RNF20: variants seen among roughly 807,000 people sequenced by gnomAD.
RNF20 encodes the protein ring finger protein 20, also known as E3 ubiquitin-protein ligase BRE1A.
A neutral mutation model predicts 126.2 loss-of-function variants in RNF20; 84 were observed. The ratio of observed to expected loss-of-function variants is 0.67; its 90% CI spans 0.56 to 0.80. The LOEUF (loss-of-function observed/expected upper bound fraction) is 0.80, where lower values mean the gene tolerates loss of function less well. RNF20 is among the 30% of genes least tolerant of loss of function. RNF20 has a pLI of 0.00. For missense variants in RNF20, 869 were observed against 1,188.2 expected, an observed-to-expected ratio of 0.73 and a Z score of 3.95; for synonymous variants, 400 against 414.3, an observed-to-expected ratio of 0.97 and a Z score of 0.42.
intron 6 of RNF20, among the ~76,000 whole-genome samples, 198 bp from the exon 7 acceptor site, chr9:101,546,622 C>T (rs1827351010): frequency 6.6e-6 from 1 of 152,048 alleles, no homozygotes; most frequent in South Asian, 2.1e-4. Context: ...AGACTTTAGA[C>T]TTAAAGTTTG....
Position 101,535,616 on chromosome 9 carries a change from A to T in RNF20, c.129+64A>T. The T allele has an allele frequency of 1.9e-6, 3 of 1,557,152 alleles. No homozygotes were observed. In the African/African-American group the frequency reaches 4.1e-5, roughly 21 times the overall value. On this transcript the variant is annotated intron_variant, in intron 2 of 19. Coordinates refer to ENST00000389120, the MANE Select transcript of RNF20 (RefSeq NM_019592.7). ...TGTCAGTTGCAACTTGAAACTAAAA[A>T]TTCATGGAAGCTTTCTGGAGTATGG... is the stretch of plus-strand genomic sequence containing the variant.
At chr9:101,553,949 T>C in intron 13 of RNF20, 39 bp from the exon 14 acceptor site, 3 of 1,152,846 alleles carry the variant, frequency 2.6e-6, no homozygotes, top group Non-Finnish European at 2.6e-6. Context: ...TTTATTTTCT[T>C]ATTACATTGT....
At chr9:101,551,099 C>A (rs1407136945) in intron 10 of RNF20, among the ~76,000 whole-genome samples, 1 of 151,968 alleles carries the variant, frequency 6.6e-6, no homozygotes, top group African/African-American at 2.4e-5. Flanking sequence ...CCTGATTCCA[C>A]TTAAAAAAGT....
rs1213781267 is a variant in RNF20 at position 101,550,772 on chromosome 9, T to C, written c.1259T>C (p.Val420Ala). Residue 420 changes from valine (V) to alanine (A), a missense_variant, in exon 10 of 20, where the codon GTT becomes GCT. Transcript: ENST00000389120. ...ACCAGAGGAACCCACCAGCACCAGG[T>C]TGAGCTTATTGAGGTAATAGCCTTG... ...HGTRGTHQHQ[V>A]ELIERDEVSL... 6.8e-6 allele frequency: 11 copies of C among 1,614,002 alleles called. No homozygotes were observed. Among genetic ancestry groups the C allele is most frequent in the African/African-American group, 1.3e-5 (1 of 74,926 alleles).
intron 12 of RNF20, 31 bp from the exon 13 acceptor site, chr9:101,552,352 A>T: frequency 6.2e-7 from 1 of 1,608,442 alleles, no homozygotes; most frequent in South Asian, 1.1e-5. Flanking sequence ...ATCATAAGAG[A>T]TGTGCATCTT....
chr9:101,552,061 C>T (rs1235216878), intron 11 of RNF20, 80 bp from the exon 12 acceptor site: 1 of 1,564,028 alleles, frequency 6.4e-7, no homozygotes, highest in African/African-American at 1.4e-5. Context: ...TCAGTGCCTC[C>T]TGATGTGTTC....
intron 9 of RNF20, among the ~76,000 whole-genome samples, chr9:101,549,435 G>C (rs1827406270): frequency 6.6e-6 from 1 of 152,170 alleles, no homozygotes. Flanking sequence ...GGCAGAGTCA[G>C]GTGTACAGGA....
Position 101,544,805 on chromosome 9 carries a change from T to C in RNF20, c.667T>C (p.Ser223Pro), listed in dbSNP as rs758138591. ...IVEEAVQELN[S>P]FLAQENMRLQ... is the part of the protein sequence containing the mutation. Reference sequence around the variant, plus strand: ...GGAGGAAGCAGTGCAGGAGCTGAACTCTTTCCTCGCACAGGAGAATATGAG... The same window carrying C: ...GGAGGAAGCAGTGCAGGAGCTGAACCCTTTCCTCGCACAGGAGAATATGAG... Residue 223 changes from serine to proline, a missense_variant, in exon 6 of 20, where the codon TCT (serine) becomes CCT (proline). This residue lies in a region of RNF20 where 103 missense variants were observed against 94.3 expected (regional missense o/e 1.09). Coordinates refer to ENST00000389120, the MANE Select transcript of RNF20 (RefSeq NM_019592.7). 1 of 1,613,290 alleles carries C rather than the reference T, an allele frequency of 6.2e-7. No individual in the cohort carries two copies. Among genetic ancestry groups the C allele is most frequent in the Non-Finnish European group, 8.5e-7 (1 of 1,179,320 alleles).
intron 9 of RNF20, among the ~76,000 whole-genome samples, chr9:101,549,516 T>C (rs1827407832): frequency 6.6e-6 from 1 of 152,140 alleles, no homozygotes; most frequent in Admixed American, 6.5e-5. Context: ...CGGACGAGCC[T>C]GACTAATGTC....
At chr9:101,535,575 A>C (rs1827170215) in intron 2 of RNF20, 23 bp downstream of exon 2, 1 of 1,600,324 alleles carries the variant, frequency 6.2e-7, no homozygotes, top group East Asian at 2.2e-5. Flanking sequence ...AGTGCCATGA[A>C]AGTGTGCTTG....
chr9:101,540,991 G>C lies in RNF20; in HGVS notation c.628+16G>C, dbSNP rs200632178. ...AACAGTGGAGGTGAGGCAAGACCCT[G>C]GAGGCCGGGAGTAGTGGAGGAGGAA... is the stretch of plus-strand genomic sequence containing the variant. On this transcript the variant is annotated intron_variant, in intron 5 of 19. Transcript: ENST00000389120. 7.9e-4 allele frequency: 1,276 copies of C among 1,605,606 alleles called. 3 individuals carry two copies. The highest frequency in any genetic ancestry group is 1.0e-3 in the Non-Finnish European group (1,180 of 1,173,588).
At chr9:101,558,211 G>A (rs115505293) in intron 16 of RNF20, among the ~76,000 whole-genome samples, 1,901 of 152,012 alleles carry the variant, frequency 0.013, 30 homozygotes, top group African/African-American at 0.044. Context: ...AAAGTTTATT[G>A]TATCATTCTT....
chr9:101,547,521 AG>A lies in RNF20; in HGVS notation c.1092+5del. On this transcript the variant is annotated splice_donor_region_variant and intron_variant, in intron 9 of 19. Transcript: ENST00000389120. The stretch of plus-strand genomic sequence containing the variant: ...CTACACAAAATGAAAAGCTGAAGGT[AG>A]GAACGCATCCCTGAAGGGCAGTAAA... 1 of 1,613,916 alleles carries A rather than the reference AG, an allele frequency of 6.2e-7. No homozygotes were observed.
chr9:101,550,537 T>A, intron 9 of RNF20, 69 bp from the exon 10 acceptor site: 4 of 1,393,318 alleles, frequency 2.9e-6, no homozygotes, highest in Non-Finnish European at 4.0e-6. Context: ...AGTTCAAAAT[T>A]TTACTTCCTG....
intron 4 of RNF20, 38 bp downstream of exon 4, chr9:101,540,675 C>A (rs1172572129): frequency 6.2e-7 from 1 of 1,609,004 alleles, no homozygotes; most frequent in African/African-American, 1.3e-5. Context: ...TGCATGCTAT[C>A]TGGGTTTTTA....
At chr9:101,559,904 G>A (rs1413564928) in intron 16 of RNF20, among the ~76,000 whole-genome samples, 1 of 152,082 alleles carries the variant, frequency 6.6e-6, no homozygotes, top group Non-Finnish European at 1.5e-5. Flanking sequence ...TCTTTCTCTT[G>A]TCTGATTGCT....
chr9:101,552,439 G>A lies in RNF20; in HGVS notation c.1587G>A (p.Pro529=), dbSNP rs779028554. The change falls in exon 13 of 20, where the codon CCG becomes CCA. Residue 529 remains proline, a synonymous_variant. Transcript: ENST00000389120. ...AGTCCCAGTCTAGTACTGAGGACCC[G>A]AAGGATGAGCCTGCGGAGCTAAAAC... ...LLQSQSSTED[P]KDEPAELKPD... is the part of the protein sequence containing the mutation. 3.0e-5 allele frequency: 49 copies of A among 1,611,698 alleles called. No individual in the cohort carries two copies. Among genetic ancestry groups the A allele is most frequent in the African/African-American group, 4.0e-5 (3 of 74,878 alleles).
chr9:101,555,218 G>T (rs1186741352), intron 15 of RNF20, among the ~76,000 whole-genome samples: 1 of 151,594 alleles, frequency 6.6e-6, no homozygotes, highest in Non-Finnish European at 1.5e-5. Context: ...ACAAATATAT[G>T]AAACTAAGAA....
Position 101,557,573 on chromosome 9 carries a change from C to G in RNF20, c.2359C>G (p.Gln787Glu). 1 of 1,613,590 alleles carries G rather than the reference C, an allele frequency of 6.2e-7. No homozygotes were observed. Among genetic ancestry groups the G allele is most frequent in the East Asian group, 2.2e-5 (1 of 44,864 alleles). ...LKEEKEELADQVLTLKTQVDA... is the reference protein window; with the variant it reads ...LKEEKEELADEVLTLKTQVDA... The stretch of plus-strand genomic sequence containing the variant: ...AGAAGAGAAGGAGGAGCTGGCAGAC[C>G]AGGTGTTGACTCTGAAGACTCAGGT... The change falls in exon 16 of 20, where the codon CAG becomes GAG. Residue 787 changes from glutamine (Q) to glutamate (E), a missense_variant. Around this residue, in one of 8 missense-constraint regions of RNF20, gnomAD observed 150 missense variants for 173.7 expected, o/e 0.86. Transcript: ENST00000389120.
Sources: allele counts gnomAD v4.1 joint callset (sites outside exome capture counted in the v4.1 genomes callset), GRCh38; gene constraint gnomAD v4.1.1; regional missense constraint gnomAD v4.1.1; transcripts MANE v1.5; gene names NCBI Gene and HGNC (gene_info 2026-07-23, HGNC 2026-07-21).